Variants in TEAD1 observed in about 807,000 individuals in gnomAD.
TEAD1 encodes TEA domain transcription factor 1.
Under a neutral mutation model 54.9 loss-of-function variants are expected in TEAD1, and 9 were observed. The observed-to-expected ratio is 0.16, with a 90% CI of 0.10 to 0.29. The LOEUF (loss-of-function observed/expected upper bound fraction) is 0.29, where lower values mean the gene tolerates loss of function less well. Among genes scored for constraint, TEAD1 ranks in the 10% least tolerant of loss-of-function variants. TEAD1 has a pLI of 1.00. For synonymous variants in TEAD1, 200 were observed against 187.8 expected (o/e 1.07, Z -0.53); for missense variants, 387 against 535.9 (o/e 0.72, Z 2.74).
intron 2 of TEAD1, among the ~76,000 whole-genome samples, chr11:12,744,317 G>A (rs1450052221): frequency 3.3e-5 from 5 of 152,172 alleles, no homozygotes. Flanking sequence ...CTTGAGAAAT[G>A]ATTACAAGGA....
chr11:12,922,022 G>A (rs1409742899), intron 10 of TEAD1, among the ~76,000 whole-genome samples: 3 of 152,188 alleles, frequency 2.0e-5, no homozygotes, highest in Non-Finnish European at 4.4e-5. Context: ...CATAAAACCG[G>A]ATAAGTACAA....
intron 12 of TEAD1, among the ~76,000 whole-genome samples, chr11:12,931,904 C>T (rs12362258): frequency 4.0e-4 from 55 of 139,094 alleles, no homozygotes; most frequent in Non-Finnish European, 7.5e-4. Flanking sequence ...GAGATGGGGC[C>T]CAGCATCCTG....
intron 2 of TEAD1, among the ~76,000 whole-genome samples, chr11:12,738,728 C>G (rs755675427): frequency 2.5e-4 from 38 of 152,200 alleles, no homozygotes; most frequent in Admixed American, 2.6e-4. Context: ...CCTTGCTAAT[C>G]ACTCCTTAAG....
intron 9 of TEAD1, among the ~76,000 whole-genome samples, chr11:12,885,446 C>T (rs556902195): frequency 5.3e-5 from 8 of 152,080 alleles, no homozygotes; most frequent in Middle Eastern, 3.4e-3. Context: ...ACCGTGTTAG[C>T]CAGGGTGGTC....
At chr11:12,864,005 A>G (rs968777773) in intron 4 of TEAD1, among the ~76,000 whole-genome samples, 1 of 151,974 alleles carries the variant, frequency 6.6e-6, no homozygotes, top group South Asian at 2.1e-4. Flanking sequence ...TTGTAATAAT[A>G]TGCAAATCCA....
At chr11:12,814,507 C>G (rs1946373866) in intron 3 of TEAD1, among the ~76,000 whole-genome samples, 1 of 152,154 alleles carries the variant, frequency 6.6e-6, no homozygotes, top group Non-Finnish European at 1.5e-5. Context: ...GCACCTTTGG[C>G]TTTAGGAAGC....
intron 3 of TEAD1, among the ~76,000 whole-genome samples, chr11:12,855,068 A>G (rs554259304): frequency 3.9e-5 from 6 of 152,206 alleles, no homozygotes; most frequent in Non-Finnish European, 8.8e-5. Context: ...GTTAATTAGT[A>G]ACTCCTCACA....
chr11:12,933,523 T>C (rs1371325723), intron 12 of TEAD1, among the ~76,000 whole-genome samples: 1 of 152,166 alleles, frequency 6.6e-6, no homozygotes, highest in African/African-American at 2.4e-5. Flanking sequence ...ATGTAAATAG[T>C]TGTTATACTA....
chr11:12,695,831 G>A (rs942067524), intron 2 of TEAD1, among the ~76,000 whole-genome samples: 40 of 152,318 alleles, frequency 2.6e-4, no homozygotes, highest in African/African-American at 9.4e-4. Flanking sequence ...CTGTTTGTGT[G>A]TTGTGTGAGT....
chr11:12,736,096 C>T (rs1201634241), intron 2 of TEAD1, among the ~76,000 whole-genome samples: 2 of 152,116 alleles, frequency 1.3e-5, no homozygotes, highest in Admixed American at 1.3e-4. Flanking sequence ...TTTATTAAAA[C>T]GTTAATATGA....
chr11:12,866,057 G>A (rs959338446), intron 5 of TEAD1, among the ~76,000 whole-genome samples: 8 of 152,192 alleles, frequency 5.3e-5, no homozygotes, highest in Non-Finnish European at 1.2e-4. Context: ...AGCATTTGGT[G>A]TGCCCTCTGC....
rs1399112131 is a variant in TEAD1 at position 12,938,703 on chromosome 11, C to G, written c.*1481C>G. The stretch of plus-strand genomic sequence containing the variant: ...GCCAGGAGAGATTCAACTTTCCAAT[C>G]TAAGTATTCCAGAGCATTGCCCAGG... On this transcript the variant is annotated 3_prime_UTR_variant, in exon 13 of 13. Transcript: ENST00000527636. 6.6e-6 allele frequency: 1 copy of G among 152,286 alleles called. No individual in the cohort carries two copies. The highest frequency in any genetic ancestry group is 1.5e-5 in the Non-Finnish European group (1 of 68,068). The allele number at this position is 152,286 out of a possible 1,614,324, so 9.4% of individuals were successfully genotyped here. A position where few individuals can be genotyped will look rare whatever the true frequency, so the allele number is the denominator to read the frequency against.
chr11:12,763,342 A>C (rs191291379), intron 2 of TEAD1, among the ~76,000 whole-genome samples: 1 of 152,340 alleles, frequency 6.6e-6, no homozygotes, highest in African/African-American at 2.4e-5. Flanking sequence ...GGAGTGCTCC[A>C]TGTCAATAGA....
At chr11:12,719,717 A>G (rs1480614377) in intron 2 of TEAD1, among the ~76,000 whole-genome samples, 1 of 152,012 alleles carries the variant, frequency 6.6e-6, no homozygotes, top group East Asian at 1.9e-4. Context: ...TGGGTTGGAC[A>G]TGGGGTAGGG....
At chr11:12,743,276 C>T (rs987226187) in intron 2 of TEAD1, among the ~76,000 whole-genome samples, 1 of 152,178 alleles carries the variant, frequency 6.6e-6, no homozygotes, top group Non-Finnish European at 1.5e-5. Context: ...TGACAGCACT[C>T]AATAAATGTT....
At chr11:12,886,096 A>G (rs936572902) in intron 9 of TEAD1, among the ~76,000 whole-genome samples, 1 of 152,242 alleles carries the variant, frequency 6.6e-6, no homozygotes, top group African/African-American at 2.4e-5. Flanking sequence ...AAGCCGAAAG[A>G]TGGAGGATTG....
rs1408742790 is a variant in TEAD1, at chr11:12,674,759, C to A, written c.-283C>A. 1 of 151,124 alleles carries A rather than the reference C, an allele frequency of 6.6e-6. No homozygotes were observed. The highest frequency in any genetic ancestry group is 1.5e-5 in the Non-Finnish European group (1 of 67,758). 9.4% of individuals were successfully genotyped at this position (151,124 alleles called of 1,614,324 possible). ...GGGAGCCGGGGAGGGAGCCGGGCAC[C>A]GAGCAGAGGGCGGGGGAAGCGGCGC... On this transcript the variant is annotated 5_prime_UTR_variant, in exon 1 of 13. Coordinates refer to ENST00000527636, the MANE Select transcript of TEAD1 (RefSeq NM_021961.6).
chr11:12,879,567 T>G (rs1249495126), intron 5 of TEAD1, 141 bp from the exon 6 acceptor site: 28 of 979,040 alleles, frequency 2.9e-5, no homozygotes, highest in Non-Finnish European at 4.5e-5. Flanking sequence ...TCTGGCTGTG[T>G]TATTTATCCA....
chr11:12,916,243 AG>A (rs1948710360), intron 10 of TEAD1, among the ~76,000 whole-genome samples: 1 of 152,172 alleles, frequency 6.6e-6, no homozygotes, highest in African/African-American at 2.4e-5. Flanking sequence ...TCAATACGTA[AG>A]ACCCGTCATA....
Sources: gnomAD v4.1 joint callset for allele counts (sites outside exome capture counted in the v4.1 genomes callset) on GRCh38, gnomAD v4.1.1 for gene constraint, MANE v1.5 for transcripts, NCBI Gene and HGNC (gene_info 2026-07-23, HGNC 2026-07-21) for gene names.